The following GALNT13 variants were observed in gnomAD, a reference collection of about 807,000 sequenced individuals.
GALNT13 encodes the protein UDP-GalNAc:polypeptide N-acetylgalactosaminyltransferase 13.
In GALNT13, 28 loss-of-function variants were observed where a neutral mutation model predicts 64.2. The observed-to-expected ratio is 0.44, with a 90% CI of 0.32 to 0.60. The LOEUF (loss-of-function observed/expected upper bound fraction) is 0.60, where lower values mean the gene tolerates loss of function less well. Among genes scored for constraint, GALNT13 ranks in the 20% least tolerant of loss-of-function variants. GALNT13 has a pLI of 0.05. For missense variants in GALNT13, 577 were observed against 669.8 expected, an observed-to-expected ratio of 0.86 and a Z score of 1.53; for synonymous variants, 214 against 224.6, an observed-to-expected ratio of 0.95 and a Z score of 0.42.
the GALNT13 span, among the ~76,000 whole-genome samples, chr2:153,836,514 T>A: frequency 7.9e-3 from 1,207 of 151,842 alleles, 19 homozygotes; most frequent in African/African-American, 0.028. Context: ...TTTTTTTTTT[T>A]ATATTTATTA....
At chr2:154,375,073 G>C (rs1252272382) in intron 9 of GALNT13, among the ~76,000 whole-genome samples, 1 of 152,104 alleles carries the variant, frequency 6.6e-6, no homozygotes, top group Non-Finnish European at 1.5e-5. Flanking sequence ...TGCAAGCTCC[G>C]GTTCCCGGGG....
chr2:153,493,442 CAA>C, the GALNT13 span, among the ~76,000 whole-genome samples: 1 of 151,968 alleles, frequency 6.6e-6, no homozygotes, highest in East Asian at 1.9e-4. Flanking sequence ...ACAAATGTAA[CAA>C]ACACAATACG....
chr2:153,961,304 C>G (rs1692926347), intron 3 of GALNT13, among the ~76,000 whole-genome samples: 1 of 152,120 alleles, frequency 6.6e-6, no homozygotes, highest in Admixed American at 6.5e-5. Flanking sequence ...AGGAGAGAGA[C>G]TCTATGAAAT....
At chr2:153,068,611 C>G in the GALNT13 span, among the ~76,000 whole-genome samples, 1 of 152,164 alleles carries the variant, frequency 6.6e-6, no homozygotes, top group Non-Finnish European at 1.5e-5. Context: ...TGTGGTTATA[C>G]ATGAATATGA....
At chr2:154,174,185 A>G (rs1228566955) in intron 4 of GALNT13, among the ~76,000 whole-genome samples, 3 of 152,116 alleles carry the variant, frequency 2.0e-5, no homozygotes, top group Admixed American at 6.6e-5. Flanking sequence ...CGCAGTCTCA[A>G]CCCCTTCACT....
At chr2:153,886,211 CTT>C (rs923927786) in intron 1 of GALNT13, among the ~76,000 whole-genome samples, 4 of 146,440 alleles carry the variant, frequency 2.7e-5, no homozygotes, top group African/African-American at 1.0e-4. Flanking sequence ...ATGAGGCACT[CTT>C]TTTTTTTTAA....
At chr2:154,444,113 G>T (rs1000658559) in intron 12 of GALNT13, among the ~76,000 whole-genome samples, 1 of 152,088 alleles carries the variant, frequency 6.6e-6, no homozygotes, top group African/African-American at 2.4e-5. Context: ...GCTGAGATGG[G>T]AGGATTGCTA....
intron 3 of GALNT13, among the ~76,000 whole-genome samples, chr2:154,092,206 T>G (rs1439658269): frequency 6.6e-6 from 1 of 151,962 alleles, no homozygotes; most frequent in Non-Finnish European, 1.5e-5. Flanking sequence ...TGAAAAATTA[T>G]GAAATCCCAG....
the GALNT13 span, among the ~76,000 whole-genome samples, chr2:153,440,535 C>A: frequency 6.6e-6 from 1 of 152,168 alleles, no homozygotes; most frequent in African/African-American, 2.4e-5. Flanking sequence ...CACTGTTTTC[C>A]ACAATGGTTG....
intron 11 of GALNT13, among the ~76,000 whole-genome samples, chr2:154,421,365 G>A (rs868029019): frequency 2.6e-5 from 4 of 151,912 alleles, no homozygotes; most frequent in East Asian, 1.9e-4. Flanking sequence ...GCTACACATC[G>A]ATATGGCTAA....
chr2:153,404,351 T>G, the GALNT13 span, among the ~76,000 whole-genome samples: 1 of 152,200 alleles, frequency 6.6e-6, no homozygotes, highest in Non-Finnish European at 1.5e-5. Flanking sequence ...TCAGAAATCT[T>G]AATAACAAAA....
the GALNT13 span, among the ~76,000 whole-genome samples, chr2:153,475,830 T>C: frequency 6.6e-6 from 1 of 152,192 alleles, no homozygotes; most frequent in South Asian, 2.1e-4. Context: ...GTGAGTTAAA[T>C]TTTAAGTGTC....
At chr2:153,907,818 T>A (rs1688681511) in intron 2 of GALNT13, among the ~76,000 whole-genome samples, 1 of 152,088 alleles carries the variant, frequency 6.6e-6, no homozygotes, top group Admixed American at 6.6e-5. Context: ...TTGATGGGCA[T>A]TTAGGTTGAT....
chr2:153,182,645 C>T, the GALNT13 span, among the ~76,000 whole-genome samples: 10 of 152,192 alleles, frequency 6.6e-5, no homozygotes, highest in Admixed American at 2.6e-4. Context: ...TGTGTTGCTT[C>T]GCACCATCTG....
the GALNT13 span, among the ~76,000 whole-genome samples, chr2:153,565,859 A>C: frequency 6.6e-6 from 1 of 152,142 alleles, no homozygotes. Flanking sequence ...TTATAATGAA[A>C]ATTCCTCCCT....
intron 11 of GALNT13, among the ~76,000 whole-genome samples, chr2:154,417,589 C>T (rs1700077428): frequency 6.6e-6 from 1 of 150,376 alleles, no homozygotes. Flanking sequence ...TGGCTCACTG[C>T]AACCTCCACC....
chr2:154,233,596 A>G (rs1689041862), intron 4 of GALNT13, among the ~76,000 whole-genome samples: 1 of 152,222 alleles, frequency 6.6e-6, no homozygotes. Context: ...AGTTCTGAAC[A>G]AATGGCATGA....
intron 7 of GALNT13, among the ~76,000 whole-genome samples, chr2:154,248,600 C>T (rs1004015098): frequency 2.0e-5 from 3 of 151,786 alleles, no homozygotes; most frequent in Non-Finnish European, 1.5e-5. Context: ...TTTACATTTT[C>T]AAAAATTACC....
the GALNT13 span, among the ~76,000 whole-genome samples, chr2:153,479,181 T>C: frequency 1.3e-5 from 2 of 152,156 alleles, no homozygotes; most frequent in African/African-American, 4.8e-5. Context: ...GAATGGAAAG[T>C]GGCGATGAAT....
Sources: allele counts gnomAD v4.1 joint callset (sites outside exome capture counted in the v4.1 genomes callset), GRCh38; gene constraint gnomAD v4.1.1; transcripts MANE v1.5; gene names NCBI Gene and HGNC (gene_info 2026-07-23, HGNC 2026-07-21).